JMY: variants seen among roughly 807,000 people sequenced by gnomAD.
JMY encodes the protein junction-mediating and -regulatory protein.
A neutral mutation model predicts 103.3 loss-of-function variants in JMY; 46 were observed. That is an observed-to-expected ratio of 0.45 (90% CI 0.35 to 0.57). JMY has a LOEUF of 0.57. Among genes scored for constraint, JMY ranks in the 20% least tolerant of loss-of-function variants. JMY has a pLI of 0.00. For synonymous variants in JMY, 526 were observed against 489.3 expected, an observed-to-expected ratio of 1.07 and a Z score of -0.99; for missense variants, 1,238 against 1,255.2, an observed-to-expected ratio of 0.99 and a Z score of 0.21.
At chr5:79,245,879 C>A (rs1204308998) in intron 1 of JMY, among the ~76,000 whole-genome samples, 1 of 152,160 alleles carries the variant, frequency 6.6e-6, no homozygotes, top group African/African-American at 2.4e-5. Context: ...TCTGCCTCAG[C>A]CTCCCAAAGT....
intron 1 of JMY, among the ~76,000 whole-genome samples, chr5:79,262,015 CA>C (rs1367209513): frequency 1.3e-5 from 2 of 152,226 alleles, no homozygotes; most frequent in Non-Finnish European, 2.9e-5. Flanking sequence ...CAGAAATTAT[CA>C]AAGCTTTACT....
Position 79,290,282 on chromosome 5 carries a change from C to T in JMY, c.1357+11C>T, listed in dbSNP as rs1274459034. ...CTAAAGCTCAAAAAGGTAGGTTTCT[C>T]AGTAAATTTATCCTTTAGGTATTTT... On this transcript the variant is annotated intron_variant, in intron 3 of 10. Transcript: ENST00000396137. 5 of 1,460,732 alleles carry T rather than the reference C, an allele frequency of 3.4e-6. No individual in the cohort carries two copies. Among genetic ancestry groups the T allele is most frequent in the African/African-American group, 1.4e-5 (1 of 69,850 alleles). The allele number at this position is 1,460,732 out of a possible 1,614,324, so 90.5% of individuals were successfully genotyped here.
chr5:79,295,888 GC>G lies in JMY; in HGVS notation c.1528-4263del, dbSNP rs1746550683. On this transcript the variant is annotated intron_variant, in intron 4 of 10. Transcript: ENST00000396137. ...CAAAAAGGTAGGTTCCACTCTAAAG[GC>G]CTTAGTTTATCTTAAATTCTGTTTT... Among the ~76,000 whole-genome samples, 4 of 152,164 alleles carry G rather than the reference GC, an allele frequency of 2.6e-5. No homozygotes were observed. The South Asian group carries it at 8.3e-4, about 31-fold the overall frequency.
At chr5:79,301,312 T>C (rs929134952) in intron 6 of JMY, among the ~76,000 whole-genome samples, 3 of 152,224 alleles carry the variant, frequency 2.0e-5, no homozygotes, top group African/African-American at 7.2e-5. Flanking sequence ...AAAAATGTTT[T>C]GCACTCTAGT....
intron 2 of JMY, chr5:79,284,018 G>T (rs1181662060): frequency 4.6e-6 from 3 of 653,340 alleles, no homozygotes; most frequent in Non-Finnish European, 7.3e-6. Context: ...TGAAGGTAAA[G>T]ATATTAATCC....
chr5:79,260,937 G>A (rs923616027), intron 1 of JMY, among the ~76,000 whole-genome samples: 1 of 151,994 alleles, frequency 6.6e-6, no homozygotes, highest in Non-Finnish European at 1.5e-5. Flanking sequence ...ATCATTGCTG[G>A]GGTAGGTTCC....
chr5:79,313,068 C>T (rs1481263201), intron 8 of JMY, among the ~76,000 whole-genome samples: 1 of 152,082 alleles, frequency 6.6e-6, no homozygotes, highest in East Asian at 1.9e-4. Flanking sequence ...GCTGAAGGAT[C>T]ACTTTGTAGG....
Position 79,237,676 on chromosome 5 carries a change from C to T in JMY, c.1026C>T (p.Ile342=). Residue 342 remains isoleucine (I), a synonymous_variant, in exon 1 of 11, where the codon ATC becomes ATT. Coordinates refer to ENST00000396137, the MANE Select transcript of JMY (RefSeq NM_152405.5). The part of the protein sequence containing the change: ...EEVLQRARKR[I]QELLDKHKNT... ...TGCTTCAGCGGGCCAGGAAGCGCAT[C>T]CAGGAGGTGAGTGAGTGAGCTCCTA... 1.9e-6 allele frequency: 3 copies of T among 1,611,168 alleles called. No individual in the cohort carries two copies. The highest frequency in any genetic ancestry group is 1.1e-5 in the South Asian group (1 of 90,932).
chr5:79,264,017 C>T (rs141540367), intron 1 of JMY, among the ~76,000 whole-genome samples: 4,979 of 151,708 alleles, frequency 0.033, 95 homozygotes, highest in South Asian at 0.062. Flanking sequence ...AAACTCCTGA[C>T]CTCTGGTGAT....
At chr5:79,269,052 A>G (rs1426083084) in intron 1 of JMY, among the ~76,000 whole-genome samples, 2 of 151,204 alleles carry the variant, frequency 1.3e-5, no homozygotes, top group East Asian at 3.8e-4. Context: ...TTGGTGTCAT[A>G]TCTAAAGTCA....
chr5:79,289,226 C>T (rs1383636600), intron 2 of JMY, among the ~76,000 whole-genome samples: 1 of 140,460 alleles, frequency 7.1e-6, no homozygotes, highest in South Asian at 2.3e-4. Flanking sequence ...CAAAGCGAGA[C>T]GCCGTCTCAA....
intron 6 of JMY, among the ~76,000 whole-genome samples, chr5:79,305,632 C>T (rs57493542): frequency 3.8e-3 from 585 of 152,220 alleles, no homozygotes; most frequent in African/African-American, 0.013. Flanking sequence ...GCATATCTCA[C>T]AGTTATTGCA....
At chr5:79,284,795 T>A in intron 2 of JMY, 1 of 1,575,238 alleles carries the variant, frequency 6.3e-7, no homozygotes, top group Non-Finnish European at 8.6e-7. Flanking sequence ...CCAATATTTC[T>A]TATATTGAAC....
chr5:79,262,435 T>G (rs1361254294), intron 1 of JMY, among the ~76,000 whole-genome samples: 1 of 152,214 alleles, frequency 6.6e-6, no homozygotes, highest in Admixed American at 6.5e-5. Flanking sequence ...AATCAAAAAT[T>G]AAGTTTTATA....
chr5:79,284,912 C>T, intron 2 of JMY: 5 of 1,543,346 alleles, frequency 3.2e-6, no homozygotes, highest in African/African-American at 1.4e-5. Flanking sequence ...TTCTTGCCAA[C>T]CGCCATGGTG....
At chr5:79,309,320 C>T (rs986597983) in intron 7 of JMY, among the ~76,000 whole-genome samples, 10 of 152,064 alleles carry the variant, frequency 6.6e-5, no homozygotes, top group African/African-American at 2.4e-4. Context: ...GAAGTTCCCC[C>T]TCTATTCCTA....
intron 6 of JMY, among the ~76,000 whole-genome samples, chr5:79,305,658 A>G (rs915446153): frequency 1.3e-4 from 20 of 151,868 alleles, no homozygotes; most frequent in African/African-American, 4.6e-4. Flanking sequence ...CCTGTTTTAT[A>G]TGGTGATTGG....
Position 79,300,687 on chromosome 5 carries a change from G to A in JMY, c.1705G>A (p.Glu569Lys), listed in dbSNP as rs764755071. 3 of 1,591,548 alleles carry A rather than the reference G, an allele frequency of 1.9e-6. No homozygotes were observed. The highest frequency in any genetic ancestry group is 2.6e-6 in the Non-Finnish European group (3 of 1,173,976). The change falls in exon 6 of 11, where the codon GAA (glutamate) becomes AAA (lysine). Residue 569 changes from glutamate (E) to lysine (K), a missense_variant. Coordinates refer to ENST00000396137, the MANE Select transcript of JMY (RefSeq NM_152405.5). ...CTGTTCTGTAACAGAAAAAAGAGAT[G>A]AAGTGGTATACTATGACACTTACGA... is the stretch of plus-strand genomic sequence containing the variant. ...IKRLISEKRD[E>K]VVYYDTYESM... is the part of the protein sequence containing the mutation.
intron 3 of JMY, 64 bp from the exon 4 acceptor site, chr5:79,291,064 CTT>C (rs1359034153): frequency 2.6e-6 from 3 of 1,144,074 alleles, no homozygotes; most frequent in African/African-American, 3.2e-5. Flanking sequence ...TCAGTGAAAT[CTT>C]TTTCAAATGC....
Sources: gnomAD v4.1 joint callset for allele counts (sites outside exome capture counted in the v4.1 genomes callset) on GRCh38, gnomAD v4.1.1 for gene constraint, MANE v1.5 for transcripts, NCBI Gene and HGNC (gene_info 2026-07-23, HGNC 2026-07-21) for gene names.